Variants in SLC17A4 observed in about 807,000 individuals in gnomAD.
The protein encoded by SLC17A4 is probable small intestine urate exporter.
In SLC17A4, 33 loss-of-function variants were observed where a neutral mutation model predicts 52.5. The ratio of observed to expected loss-of-function variants is 0.63; its 90% CI spans 0.48 to 0.84. SLC17A4 has a LOEUF of 0.84. SLC17A4 is among the 40% of genes least tolerant of loss of function. SLC17A4 has a pLI of 0.00. For synonymous variants in SLC17A4, 225 were observed against 216.2 expected (o/e 1.04, Z -0.36); for missense variants, 585 against 597.1 (o/e 0.98, Z 0.21).
Position 25,779,166 on chromosome 6 carries a change from A to G in SLC17A4, c.1472A>G (p.Glu491Gly). 1 of 1,613,766 alleles carries G rather than the reference A, an allele frequency of 6.2e-7. No individual in the cohort carries two copies. Among genetic ancestry groups the G allele is most frequent in the Non-Finnish European group, 8.5e-7 (1 of 1,179,748 alleles). Residue 491 changes from glutamate (E) to glycine (G), a missense_variant, in exon 12 of 12, where the codon GAG becomes GGG. By Grantham distance (98) the Glu-to-Gly change is moderately conservative. Transcript: ENST00000377905. ...GRADVQDWAKEQTFTHL is the reference protein window; with the variant it reads ...GRADVQDWAKGQTFTHL ...GCAGATGTGCAGGACTGGGCTAAAGAGCAGACATTCACCCACCTCTGAGCA... is the reference window on the plus strand; with the variant it reads ...GCAGATGTGCAGGACTGGGCTAAAGGGCAGACATTCACCCACCTCTGAGCA...
intron 2 of SLC17A4, chr6:25,768,474 C>G: frequency 1.4e-6 from 1 of 694,392 alleles, no homozygotes; most frequent in South Asian, 6.2e-5. Flanking sequence ...AGTTTAAATA[C>G]TTCTATGATC....
In SLC17A4 at chr6:25,779,292, C is replaced by A. The variant is rs983012924; in HGVS notation, c.*104C>A. On this transcript the variant is annotated 3_prime_UTR_variant, in exon 12 of 12. Transcript: ENST00000377905. ...CTTGACTGATAAGCCATTAGCTAGA[C>A]CCTGACTATGTAACGCTAAAGATTT... 4 of 1,479,202 alleles carry A rather than the reference C, an allele frequency of 2.7e-6. No individual in the cohort carries two copies. Among genetic ancestry groups the A allele is most frequent in the Admixed American group, 2.1e-5 (1 of 48,378 alleles). The allele number at this position is 1,479,202 out of a possible 1,614,324, so 91.6% of individuals were successfully genotyped here. A position where few individuals can be genotyped will look rare whatever the true frequency, so the allele number is the denominator to read the frequency against.
chr6:25,767,966 G>A (rs1368227968), intron 2 of SLC17A4, among the ~76,000 whole-genome samples: 2 of 152,146 alleles, frequency 1.3e-5, no homozygotes, highest in African/African-American at 4.8e-5. Flanking sequence ...GGCCTTAACT[G>A]AAGATAACTA....
In SLC17A4 at chr6:25,766,455, G is replaced by A. The variant is rs535984347; in HGVS notation, c.92-2530G>A. Among the ~76,000 whole-genome samples, 6 of 152,206 alleles carry A rather than the reference G, an allele frequency of 3.9e-5. No homozygotes were observed. The East Asian group carries it at 1.2e-3, about 29-fold the overall frequency. ...TCCTTGCTCCTTAAGTGTGACTGGT[G>A]CTTGTGACTTCTTCCAGAGTACATT... On this transcript the variant is annotated intron_variant, in intron 2 of 11. Transcript: ENST00000377905.
intron 1 of SLC17A4, among the ~76,000 whole-genome samples, chr6:25,760,818 C>A (rs961711138): frequency 6.6e-6 from 1 of 151,930 alleles, no homozygotes; most frequent in African/African-American, 2.4e-5. Context: ...TCTGCCTATT[C>A]TTTTTGGTAT....
rs759129560 is a variant in SLC17A4, at chr6:25,777,910, C to T, written c.1269-16C>T. 29 of 1,597,652 alleles carry T rather than the reference C, an allele frequency of 1.8e-5. No homozygotes were observed. The Admixed American group carries it at 2.8e-4, about 16-fold the overall frequency. On this transcript the variant is annotated splice_polypyrimidine_tract_variant and intron_variant, in intron 10 of 11. Coordinates refer to ENST00000377905, the MANE Select transcript of SLC17A4 (RefSeq NM_005495.3). The stretch of plus-strand genomic sequence containing the variant: ...GGTATACTTGGTTATAATAGAGTAC[C>T]ATCTCTCTCTCTCAGGTACACTGGC...
intron 8 of SLC17A4, among the ~76,000 whole-genome samples, chr6:25,774,337 A>G (rs1762724258): frequency 6.6e-6 from 1 of 152,214 alleles, no homozygotes; most frequent in African/African-American, 2.4e-5. Context: ...CAGATTTCAT[A>G]ACATGTTAGT....
At chr6:25,777,564 AAACAAC>A (rs143345736) in intron 10 of SLC17A4, 7,725 of 161,986 alleles carry the variant, frequency 0.048, 214 homozygotes, top group East Asian at 0.096. Context: ...GCAGAAGCCA[AAACAAC>A]AACAACAACA....
At chr6:25,770,622 A>C in intron 5 of SLC17A4, 151 bp downstream of exon 5, 1 of 699,512 alleles carries the variant, frequency 1.4e-6, no homozygotes. Context: ...CTTGATTGTA[A>C]CTGAATAAAC....
chr6:25,765,354 A>G (rs1391051719), intron 2 of SLC17A4, among the ~76,000 whole-genome samples: 4 of 152,246 alleles, frequency 2.6e-5, no homozygotes, highest in Non-Finnish European at 4.4e-5. Flanking sequence ...AAGTGCTACT[A>G]GCATCATCCC....
rs1383382631 is a variant in SLC17A4 at position 25,780,456 on chromosome 6, G to C, written c.*1268G>C. 6.6e-6 allele frequency: 1 copy of C among 152,224 alleles called. No homozygotes were observed. The highest frequency in any genetic ancestry group is 1.5e-5 in the Non-Finnish European group (1 of 68,060). The allele number at this position is 152,224 out of a possible 1,614,324, so 9.4% of individuals were successfully genotyped here. A position where few individuals can be genotyped will look rare whatever the true frequency, so the allele number is the denominator to read the frequency against. ...GGGATCTGAAGGATAATAGTTAACT[G>C]TTGTGGGAGACTGAGAGGAGAATAT... On this transcript the variant is annotated 3_prime_UTR_variant, in exon 12 of 12. Coordinates refer to ENST00000377905, the MANE Select transcript of SLC17A4 (RefSeq NM_005495.3).
At chr6:25,755,523 A>C (rs1424607717) in intron 1 of SLC17A4, among the ~76,000 whole-genome samples, 1 of 151,802 alleles carries the variant, frequency 6.6e-6, no homozygotes, top group Non-Finnish European at 1.5e-5. Context: ...TAGCAGAGGA[A>C]CAGGGTGCAT....
chr6:25,770,111 C>T lies in SLC17A4; in HGVS notation c.342C>T (p.Leu114=). The change falls in exon 4 of 12, where the codon CTC becomes CTT. Residue 114 remains leucine (L), a synonymous_variant. Transcript: ENST00000377905. ...DWSPEIQGII[L]SSLNYGSFLA... ...GTCCTGAAATCCAGGGAATCATCCT[C>T]AGCTCCCTCAACTATGGCTCATTCT... 2 of 1,614,144 alleles carry T rather than the reference C, an allele frequency of 1.2e-6. No homozygotes were observed. Among genetic ancestry groups the T allele is most frequent in the South Asian group, 2.2e-5 (2 of 91,084 alleles).
At chr6:25,772,627 T>C (rs982650854) in intron 6 of SLC17A4, among the ~76,000 whole-genome samples, 2 of 152,220 alleles carry the variant, frequency 1.3e-5, no homozygotes, top group Non-Finnish European at 2.9e-5. Context: ...TCATTTCATA[T>C]CTACAAATTG....
chr6:25,766,618 T>C (rs1286277006), intron 2 of SLC17A4, among the ~76,000 whole-genome samples: 1 of 152,160 alleles, frequency 6.6e-6, no homozygotes, highest in African/African-American at 2.4e-5. Context: ...TTGTTGACAG[T>C]GTGTGGCCTT....
intron 8 of SLC17A4, among the ~76,000 whole-genome samples, chr6:25,775,221 A>G (rs1762805715): frequency 6.6e-6 from 1 of 151,850 alleles, no homozygotes. Context: ...AGTCCCAGCT[A>G]CTTAGGAGGC....
In SLC17A4 at chr6:25,773,592, T is replaced by A. The variant is rs149042522; in HGVS notation, c.905T>A (p.Phe302Tyr). ...LPLWAILVSY[F>Y]CEYWLFYTIM... ...CTCTGGGCCATTTTAGTCTCTTATT[T>A]CTGTGAATACTGGCTTTTTTATACC... The change falls in exon 8 of 12, where the codon TTC (phenylalanine) becomes TAC (tyrosine). Residue 302 changes from phenylalanine (F) to tyrosine (Y), a missense_variant. By Grantham distance (22) the Phe-to-Tyr change is conservative. Coordinates refer to ENST00000377905, the MANE Select transcript of SLC17A4 (RefSeq NM_005495.3). 9.3e-6 allele frequency: 15 copies of A among 1,613,890 alleles called. 1 individual carries two copies. The African/African-American group carries it at 1.9e-4, about 20-fold the overall frequency.
chr6:25,772,339 G>A (rs746481054), intron 6 of SLC17A4, among the ~76,000 whole-genome samples: 16 of 151,936 alleles, frequency 1.1e-4, no homozygotes, highest in Non-Finnish European at 1.8e-4. Flanking sequence ...CTATCCCTCC[G>A]CACTTGATTA....
chr6:25,763,768 T>C (rs1761755575), intron 2 of SLC17A4, among the ~76,000 whole-genome samples: 1 of 152,216 alleles, frequency 6.6e-6, no homozygotes, highest in South Asian at 2.1e-4. Flanking sequence ...TCAGTAGTTT[T>C]TCTCTATCAG....
Sources: allele counts gnomAD v4.1 joint callset (sites outside exome capture counted in the v4.1 genomes callset), GRCh38; gene constraint gnomAD v4.1.1; transcripts MANE v1.5; gene names NCBI Gene and HGNC (gene_info 2026-07-23, HGNC 2026-07-21).